SYT1: variants seen among roughly 807,000 people sequenced by gnomAD.
SYT1 encodes synaptotagmin 1.
SYT1 carries 8 observed loss-of-function variants against 44.8 expected under a neutral mutation model. That is an observed-to-expected ratio of 0.18 (90% CI 0.10 to 0.32). The LOEUF (loss-of-function observed/expected upper bound fraction) is 0.32, where lower values mean the gene tolerates loss of function less well. Among genes scored for constraint, SYT1 ranks in the 10% least tolerant of loss-of-function variants. The pLI is 1.00. For missense variants in SYT1, 286 were observed against 509.3 expected, an observed-to-expected ratio of 0.56 and a Z score of 4.22; for synonymous variants, 154 against 188.8, an observed-to-expected ratio of 0.82 and a Z score of 1.51.
At chr12:79,012,965 C>G (rs894541742) in intron 2 of SYT1, among the ~76,000 whole-genome samples, 1 of 152,058 alleles carries the variant, frequency 6.6e-6, no homozygotes, top group Admixed American at 6.6e-5. Flanking sequence ...CTTTCTACTA[C>G]AAGGCCCCTC....
intron 3 of SYT1, among the ~76,000 whole-genome samples, chr12:79,150,504 A>G (rs1294514499): frequency 6.6e-6 from 1 of 152,164 alleles, no homozygotes; most frequent in East Asian, 1.9e-4. Flanking sequence ...AGACAGGAGG[A>G]ATAAGTTTTT....
chr12:79,025,207 A>T (rs1872450883), intron 2 of SYT1, among the ~76,000 whole-genome samples: 1 of 151,808 alleles, frequency 6.6e-6, no homozygotes, highest in African/African-American at 2.4e-5. Context: ...GCCTGAATTC[A>T]GAGTAATTTT....
At chr12:78,911,031 T>C (rs1326825527) in intron 1 of SYT1, among the ~76,000 whole-genome samples, 2 of 151,956 alleles carry the variant, frequency 1.3e-5, no homozygotes, top group African/African-American at 4.8e-5. Context: ...TTAAGAGTAA[T>C]GGAAGGCCAC....
At chr12:79,025,131 T>G (rs1359825239) in intron 2 of SYT1, among the ~76,000 whole-genome samples, 1 of 151,844 alleles carries the variant, frequency 6.6e-6, no homozygotes, top group Non-Finnish European at 1.5e-5. Context: ...ATGTGTGTTT[T>G]TAATATTTAG....
At chr12:78,945,143 C>T (rs1176846740) in intron 1 of SYT1, among the ~76,000 whole-genome samples, 1 of 152,128 alleles carries the variant, frequency 6.6e-6, no homozygotes, top group Non-Finnish European at 1.5e-5. Context: ...TGTGTATAGA[C>T]AAAACTGAAC....
intron 3 of SYT1, among the ~76,000 whole-genome samples, chr12:79,176,795 G>A (rs555679003): frequency 6.6e-6 from 1 of 151,928 alleles, no homozygotes; most frequent in Non-Finnish European, 1.5e-5. Context: ...ATAAGTTGAA[G>A]ACACTTCAAC....
At chr12:78,981,174 C>T (rs1240025902) in intron 2 of SYT1, among the ~76,000 whole-genome samples, 4 of 135,398 alleles carry the variant, frequency 3.0e-5, no homozygotes, top group African/African-American at 1.1e-4. Flanking sequence ...GTTGCGCAGG[C>T]TGGAGTGCAA....
At chr12:79,320,877 T>C (rs981683405) in intron 8 of SYT1, among the ~76,000 whole-genome samples, 4 of 151,968 alleles carry the variant, frequency 2.6e-5, no homozygotes, top group Non-Finnish European at 5.9e-5. Flanking sequence ...CAACTCGGCC[T>C]CCCAAAGTGC....
Position 78,941,638 on chromosome 12 carries a change from T to C in SYT1, c.-216-36161T>C, listed in dbSNP as rs553355766. ...TTGACTACTGGTCAAAATGAAAGACTGCTATTACACTATTACAGGAAATGT... is the reference window on the plus strand; with the variant it reads ...TTGACTACTGGTCAAAATGAAAGACCGCTATTACACTATTACAGGAAATGT... On this transcript the variant is annotated intron_variant, in intron 1 of 10. Transcript: ENST00000261205. Among the ~76,000 whole-genome samples, 7 of 152,328 alleles carry C rather than the reference T, an allele frequency of 4.6e-5. 1 individual carries two copies. In the South Asian group the frequency reaches 1.4e-3, roughly 32 times the overall value.
At position 79,293,050 on chromosome 12, in the gene SYT1, G is replaced by A. The variant is rs193232031; in HGVS notation, c.474+920G>A. On this transcript the variant is annotated intron_variant, in intron 6 of 10. Coordinates refer to ENST00000261205, the MANE Select transcript of SYT1 (RefSeq NM_005639.3). ...AAGACAGGCAGGGTGCAGTGGCTCA[G>A]GCCTGTAATCCCAGCACTTTGGGAG... Among the ~76,000 whole-genome samples, 1,098 of 151,610 alleles carry A rather than the reference G, an allele frequency of 7.2e-3. 14 individuals carry two copies. The highest frequency in any genetic ancestry group is 0.025 in the African/African-American group (1,047 of 41,300).
intron 3 of SYT1, among the ~76,000 whole-genome samples, chr12:79,061,060 T>G (rs1565787536): frequency 6.6e-6 from 1 of 152,228 alleles, no homozygotes; most frequent in Non-Finnish European, 1.5e-5. Flanking sequence ...GCCATTTCTC[T>G]AAAATTAAAT....
rs572583853 is a variant in SYT1, at chr12:79,090,238, A to G, written c.-18+42876A>G. On this transcript the variant is annotated intron_variant, in intron 3 of 10. Transcript: ENST00000261205. ...ATTAAAAAGTTTTTAAGATGTGGAGAATAGATCTCATTGTAAGTTGGTACA... is the reference window on the plus strand; with the variant it reads ...ATTAAAAAGTTTTTAAGATGTGGAGGATAGATCTCATTGTAAGTTGGTACA... Among the ~76,000 whole-genome samples the G allele has an allele frequency of 3.3e-5, 5 of 152,144 alleles. No individual in the cohort carries two copies. The East Asian group carries it at 9.7e-4, about 29-fold the overall frequency.
intron 3 of SYT1, among the ~76,000 whole-genome samples, chr12:79,108,870 G>A (rs1220693978): frequency 6.6e-6 from 1 of 152,068 alleles, no homozygotes; most frequent in Non-Finnish European, 1.5e-5. Flanking sequence ...CCTTGAAATG[G>A]AAATACACAA....
At chr12:79,102,768 G>T (rs1364217285) in intron 3 of SYT1, among the ~76,000 whole-genome samples, 1 of 152,114 alleles carries the variant, frequency 6.6e-6, no homozygotes, top group Non-Finnish European at 1.5e-5. Flanking sequence ...ATGAGATTGA[G>T]GTTTGCAGTA....
At chr12:78,888,995 C>T (rs182824264) in intron 1 of SYT1, among the ~76,000 whole-genome samples, 21 of 151,930 alleles carry the variant, frequency 1.4e-4, no homozygotes, top group Middle Eastern at 6.8e-3. Flanking sequence ...TTCTTTGCTC[C>T]GAAACCCGTA....
In SYT1 at chr12:79,050,643, A is replaced by G. The variant is rs544448959; in HGVS notation, c.-18+3281A>G. ...AACTGGGAGTTGATACACTCACTCA[A>G]AGTGTGACAACTATTAACAACACTG... On this transcript the variant is annotated intron_variant, in intron 3 of 10. Transcript: ENST00000261205. Among the ~76,000 whole-genome samples, 14 of 152,190 alleles carry G rather than the reference A, an allele frequency of 9.2e-5. No homozygotes were observed. In the South Asian group the frequency reaches 2.5e-3, roughly 27 times the overall value.
At chr12:78,990,634 A>G (rs1869953945) in intron 2 of SYT1, among the ~76,000 whole-genome samples, 1 of 152,170 alleles carries the variant, frequency 6.6e-6, no homozygotes, top group Admixed American at 6.6e-5. Flanking sequence ...CTTTCCTACA[A>G]CACTGTGTCT....
At position 79,090,518 on chromosome 12, in the gene SYT1, G is replaced by A. The variant is rs369766846; in HGVS notation, c.-18+43156G>A. ...AATTCGCCCCATCAGAGACCCATAA[G>A]CAGTGCTGGGGTTCATGTACATCAT... On this transcript the variant is annotated intron_variant, in intron 3 of 10. Coordinates refer to ENST00000261205, the MANE Select transcript of SYT1 (RefSeq NM_005639.3). Among the ~76,000 whole-genome samples, 10 of 152,024 alleles carry A rather than the reference G, an allele frequency of 6.6e-5. No homozygotes were observed. In the East Asian group the frequency reaches 9.7e-4, roughly 15 times the overall value.
chr12:79,033,170 T>A (rs1008366183), intron 2 of SYT1, among the ~76,000 whole-genome samples: 1 of 151,364 alleles, frequency 6.6e-6, no homozygotes, highest in Non-Finnish European at 1.5e-5. Context: ...ATCCATGTTA[T>A]TGCTTCACTT....
Sources: gnomAD v4.1 joint callset for allele counts (sites outside exome capture counted in the v4.1 genomes callset) on GRCh38, gnomAD v4.1.1 for gene constraint, MANE v1.5 for transcripts, NCBI Gene and HGNC (gene_info 2026-07-23, HGNC 2026-07-21) for gene names.